Variants in HAS2 observed in about 807,000 individuals in gnomAD.
HAS2 encodes the protein HA synthase 2.
HAS2 carries 16 observed loss-of-function variants against 51.6 expected under a neutral mutation model. The observed-to-expected ratio is 0.31, with a 90% CI of 0.21 to 0.47. HAS2 has a LOEUF of 0.47. HAS2 is among the 20% of genes least tolerant of loss of function. The pLI, the probability that HAS2 is intolerant of heterozygous loss-of-function variation, is 1.00. For missense variants in HAS2, 361 were observed against 662.6 expected (o/e 0.54, Z 5.00); for synonymous variants, 228 against 235.5 (o/e 0.97, Z 0.29).
At position 121,614,052 on chromosome 8, in the gene HAS2, C is replaced by G. The variant is rs1188315863; in HGVS notation, c.*57G>C. 6.2e-7 allele frequency: 1 copy of G among 1,611,920 alleles called. No individual in the cohort carries two copies. Among genetic ancestry groups the G allele is most frequent in the Admixed American group, 1.7e-5 (1 of 60,020 alleles). On this transcript the variant is annotated 3_prime_UTR_variant, in exon 4 of 4. Coordinates refer to ENST00000303924, the MANE Select transcript of HAS2 (RefSeq NM_005328.3). The surrounding 1 kb of genome is among the most constrained non-coding windows in gnomAD (Gnocchi z 7.2). ...CATTATCTGATGCCACAATACTGTA[C>G]AGCCCCTAGAGGAACTAAGGTGTTG... is the stretch of plus-strand genomic sequence containing the variant.
Position 121,628,810 on chromosome 8 carries a change from G to A in HAS2, c.531C>T (p.Ser177=), listed in dbSNP as rs1812888817. The change falls in exon 2 of 4, where the codon TCC becomes TCT. Residue 177 remains serine (S), a synonymous_variant. Transcript: ENST00000303924. Reference sequence around the variant, plus strand: ...TTTGCATGATGCAGATACTTTTGTTGGACAAGACCAATTGCGTTACGTGTT... The same window carrying A: ...TTTGCATGATGCAGATACTTTTGTTAGACAAGACCAATTGCGTTACGTGTT... ...SSQHVTQLVL[S]NKSICIMQKW... is the part of the protein sequence containing the mutation. 1.9e-6 allele frequency: 3 copies of A among 1,613,888 alleles called. No individual in the cohort carries two copies. The highest frequency in any genetic ancestry group is 2.2e-5 in the South Asian group (2 of 91,074).
intron 2 of HAS2, among the ~76,000 whole-genome samples, chr8:121,621,259 G>A (rs1357751599): frequency 6.6e-6 from 1 of 152,178 alleles, no homozygotes; most frequent in Non-Finnish European, 1.5e-5. Context: ...ATCTCCCTGT[G>A]TTAGGAAGAG....
intron 1 of HAS2, chr8:121,640,161 T>A (rs6984839): frequency 0.19 from 28,907 of 152,170 alleles, 2,814 homozygotes; most frequent in Middle Eastern, 0.31. Context: ...CAGGGACCCC[T>A]GGCCCGAGTA....
At chr8:121,628,564 G>T in intron 2 of HAS2, 150 bp downstream of exon 2, 1 of 670,032 alleles carries the variant, frequency 1.5e-6, no homozygotes, top group Non-Finnish European at 2.5e-6. Flanking sequence ...TTTTCAAAAT[G>T]TGCTTTCAAC....
chr8:121,624,423 G>C (rs1812814560), intron 2 of HAS2, among the ~76,000 whole-genome samples: 1 of 152,208 alleles, frequency 6.6e-6, no homozygotes, highest in African/African-American at 2.4e-5. Context: ...CTGTGTGCTT[G>C]TCAGCAAATG....
At chr8:121,635,985 A>G (rs1813003007) in intron 1 of HAS2, among the ~76,000 whole-genome samples, 2 of 152,196 alleles carry the variant, frequency 1.3e-5, no homozygotes, top group Admixed American at 1.3e-4. Flanking sequence ...CTGCTGGCTG[A>G]GTGGATTAGG....
At chr8:121,628,647 A>C in intron 2 of HAS2, 67 bp downstream of exon 2, 7 of 1,438,764 alleles carry the variant, frequency 4.9e-6, no homozygotes, top group Non-Finnish European at 6.7e-6. Flanking sequence ...ATAGCATATG[A>C]CTGGACAGAT....
intron 2 of HAS2, among the ~76,000 whole-genome samples, chr8:121,625,685 T>G: frequency 7.0e-6 from 1 of 143,534 alleles, no homozygotes; most frequent in Non-Finnish European, 1.5e-5. Flanking sequence ...ATTTTTTTTT[T>G]TTTTTTTTTT....
intron 1 of HAS2, among the ~76,000 whole-genome samples, chr8:121,636,391 C>T (rs890497101): frequency 2.0e-5 from 3 of 152,102 alleles, no homozygotes; most frequent in Non-Finnish European, 2.9e-5. Context: ...CCCTCCCAAC[C>T]TCCCTTCTCC....
chr8:121,619,304 C>A (rs540246451), intron 2 of HAS2, among the ~76,000 whole-genome samples: 3 of 152,040 alleles, frequency 2.0e-5, no homozygotes, highest in Non-Finnish European at 4.4e-5. Flanking sequence ...ATGAAGAATG[C>A]TGGTGAAAAT....
intron 1 of HAS2, among the ~76,000 whole-genome samples, 183 bp from the exon 2 acceptor site, chr8:121,629,523 A>T (rs1331460197): frequency 1.3e-5 from 2 of 152,172 alleles, no homozygotes; most frequent in African/African-American, 4.8e-5. Context: ...AGGGATAAGG[A>T]TGCCCTTCTA....
rs1476337692 is a variant in HAS2, at chr8:121,613,121, A to G, written c.*988T>C. On this transcript the variant is annotated 3_prime_UTR_variant, in exon 4 of 4. Transcript: ENST00000303924. Reference sequence around the variant, plus strand: ...GAAAACACTGCCAGAATCTCCAAAGATTATTCATCTTTGATACCCATGTTT... The same window carrying G: ...GAAAACACTGCCAGAATCTCCAAAGGTTATTCATCTTTGATACCCATGTTT... The G allele has an allele frequency of 3.3e-5, 5 of 152,160 alleles. No homozygotes were observed. The highest frequency in any genetic ancestry group is 4.8e-5 in the African/African-American group (2 of 41,434). The allele number at this position is 152,160 out of a possible 1,614,324, so 9.4% of individuals were successfully genotyped here.
chr8:121,616,498 A>C (rs1182642553), intron 3 of HAS2, among the ~76,000 whole-genome samples: 1 of 150,154 alleles, frequency 6.7e-6, no homozygotes, highest in Non-Finnish European at 1.5e-5. Context: ...GTGCAGTGGC[A>C]TGATCTCGGC....
Position 121,614,514 on chromosome 8 carries a change from G to A in HAS2, c.1254C>T (p.Leu418=). The change falls in exon 4 of 4, where the codon CTC becomes CTT. Residue 418 remains leucine, a synonymous_variant. Coordinates refer to ENST00000303924, the MANE Select transcript of HAS2 (RefSeq NM_005328.3). This position sits in a 1 kb window ranked among gnomAD's most constrained non-coding sequence, Gnocchi z 7.2. ...LFLLTVQLVG[L]IKSSFASCLR... ...GGCAGCTGGCAAAAGATGATTTTAT[G>A]AGACCTACTAGCTGGACAGTTAACA... is the stretch of plus-strand genomic sequence containing the variant. 6.2e-7 allele frequency: 1 copy of A among 1,614,098 alleles called. No homozygotes were observed. The highest frequency in any genetic ancestry group is 1.3e-5 in the African/African-American group (1 of 75,044).
rs1484236074 is a variant in HAS2 at position 121,629,071 on chromosome 8, A to T, written c.270T>A (p.Ala90=). The T allele has an allele frequency of 6.2e-7, 1 of 1,614,154 alleles. No individual in the cohort carries two copies. Among genetic ancestry groups the T allele is most frequent in the East Asian group, 2.2e-5 (1 of 44,890 alleles). The change falls in exon 2 of 4, where the codon GCT becomes GCA. Residue 90 remains alanine (A), a synonymous_variant. Transcript: ENST00000303924. ...KLNKTVALCI[A]AYQEDPDYLR... is the part of the protein sequence containing the mutation. ...AGTAGTCTGGATCTTCTTGATAGGC[A>T]GCGATGCAAAGGGCAACTGTTTTGT...
At chr8:121,628,645 T>G in intron 2 of HAS2, 69 bp downstream of exon 2, 1 of 1,427,022 alleles carries the variant, frequency 7.0e-7, no homozygotes, top group Non-Finnish European at 9.7e-7. Context: ...CTATAGCATA[T>G]GACTGGACAG....
At chr8:121,619,306 G>C (rs1199939226) in intron 2 of HAS2, among the ~76,000 whole-genome samples, 2 of 152,078 alleles carry the variant, frequency 1.3e-5, no homozygotes, top group African/African-American at 2.4e-5. Context: ...GAAGAATGCT[G>C]GTGAAAATAG....
At position 121,612,499 on chromosome 8, in the gene HAS2, C is replaced by T. The variant is rs1812648942; in HGVS notation, c.*1610G>A. On this transcript the variant is annotated 3_prime_UTR_variant, in exon 4 of 4. Transcript: ENST00000303924. ...CAGGAAGCCCATTTTTTTTTTAACACTTCTCCATGTGTCTCTGCCTCACCA... is the reference window on the plus strand; with the variant it reads ...CAGGAAGCCCATTTTTTTTTTAACATTTCTCCATGTGTCTCTGCCTCACCA... The T allele has an allele frequency of 6.6e-6, 1 of 151,912 alleles. No individual in the cohort carries two copies. The highest frequency in any genetic ancestry group is 1.5e-5 in the Non-Finnish European group (1 of 67,940). The allele number at this position is 151,912 out of a possible 1,614,324, so 9.4% of individuals were successfully genotyped here. A position where few individuals can be genotyped will look rare whatever the true frequency, so the allele number is the denominator to read the frequency against.
chr8:121,635,977 G>A (rs1280210963), intron 1 of HAS2, among the ~76,000 whole-genome samples: 1 of 152,230 alleles, frequency 6.6e-6, no homozygotes, highest in Non-Finnish European at 1.5e-5. Context: ...GTAGCTATCT[G>A]CTGGCTGAGT....
Sources: allele counts gnomAD v4.1 joint callset (sites outside exome capture counted in the v4.1 genomes callset), GRCh38; gene constraint gnomAD v4.1.1; non-coding constraint Gnocchi (gnomAD v3.1); transcripts MANE v1.5; gene names NCBI Gene and HGNC (gene_info 2026-07-23, HGNC 2026-07-21).